COL28A1: variants seen among roughly 807,000 people sequenced by gnomAD.
COL28A1 encodes collagen type XXVIII alpha 1 chain, also known as collagen alpha-1(XXVIII) chain.
COL28A1 carries 161 observed loss-of-function variants against 150.2 expected under a neutral mutation model. The observed-to-expected ratio is 1.07, with a 90% confidence interval of 0.94 to 1.22. The LOEUF (loss-of-function observed/expected upper bound fraction) is 1.22, where lower values mean the gene tolerates loss of function less well. Ranked by LOEUF, COL28A1 falls within the 50% of genes most tolerant of loss-of-function variation. The probability of loss-of-function intolerance (pLI) is 0.00; values close to 1 mark genes in which losing one functional copy is unlikely to be tolerated. For missense variants in COL28A1, 1,617 were observed against 1,388.3 expected, an observed-to-expected ratio of 1.16 and a Z score of -2.62; for synonymous variants, 552 against 469.7, an observed-to-expected ratio of 1.18 and a Z score of -2.26.
intron 27 of COL28A1, chr7:7,417,539 AGGGGG>A: frequency 2.3e-5 from 1 of 43,588 alleles, no homozygotes; most frequent in Non-Finnish European, 3.6e-5. Flanking sequence ...GGAGGGAGGG[AGGGGG>A]GGGGGAGAGA....
chr7:7,533,836 G>C (rs1782501068), intron 1 of COL28A1, among the ~76,000 whole-genome samples: 1 of 152,138 alleles, frequency 6.6e-6, no homozygotes, highest in Admixed American at 6.5e-5. Flanking sequence ...AAGAGAATGG[G>C]AACGAGAAAG....
chr7:7,537,316 G>T (rs1024026671), upstream of COL28A1, among the ~76,000 whole-genome samples: 1 of 152,140 alleles, frequency 6.6e-6, no homozygotes, highest in African/African-American at 2.4e-5. Context: ...AAAGCTTTGG[G>T]ATGTGGGAGG....
rs1422797824 is a variant in COL28A1 at position 7,527,093 on chromosome 7, T to C, written c.682-2844A>G. On this transcript the variant is annotated intron_variant, in intron 3 of 34. Transcript: ENST00000399429. ...ATATGTGGCATAAGGCTTAAAACCATAGCAATGCAAAAAACTATTTTTGGA... is the reference window on the plus strand; with the variant it reads ...ATATGTGGCATAAGGCTTAAAACCACAGCAATGCAAAAAACTATTTTTGGA... Among the ~76,000 whole-genome samples the C allele has an allele frequency of 2.6e-5, 4 of 152,328 alleles. No homozygotes were observed. The East Asian group carries it at 5.8e-4, about 22-fold the overall frequency.
the COL28A1 span, among the ~76,000 whole-genome samples, chr7:7,341,240 C>T: frequency 6.6e-6 from 1 of 152,252 alleles, no homozygotes; most frequent in East Asian, 1.9e-4. Flanking sequence ...CTCAGCATCA[C>T]CAGAGATGTG....
chr7:7,362,963 C>A (rs543901555), intron 33 of COL28A1, among the ~76,000 whole-genome samples: 1 of 151,996 alleles, frequency 6.6e-6, no homozygotes, highest in African/African-American at 2.4e-5. Flanking sequence ...CTGAGCTCAG[C>A]ACCGAGTCCC....
At chr7:7,423,839 C>T (rs1329355773) in intron 25 of COL28A1, among the ~76,000 whole-genome samples, 2 of 152,148 alleles carry the variant, frequency 1.3e-5, no homozygotes, top group Non-Finnish European at 2.9e-5. Context: ...CTCCCTTATT[C>T]ACGTCCCCCT....
chr7:7,517,905 A>G, intron 6 of COL28A1, 68 bp from the exon 7 acceptor site: 1 of 1,594,532 alleles, frequency 6.3e-7, no homozygotes, highest in Non-Finnish European at 8.6e-7. Context: ...AATAAAATGC[A>G]TTATACAGAA....
In COL28A1 at chr7:7,370,706, A is replaced by G. The variant is rs568042060; in HGVS notation, c.3066+19T>C. On this transcript the variant is annotated intron_variant, in intron 33 of 34. Coordinates refer to ENST00000399429, the MANE Select transcript of COL28A1 (RefSeq NM_001037763.3). ...ATACACCATTTTAAGCTCACAAAGT[A>G]AGTGAGACAGTTACTTACTGACTCA... 19 of 1,593,526 alleles carry G rather than the reference A, an allele frequency of 1.2e-5. No homozygotes were observed. The African/African-American group carries it at 1.9e-4, about 16-fold the overall frequency.
intron 13 of COL28A1, among the ~76,000 whole-genome samples, chr7:7,481,920 A>G (rs1352688581): frequency 6.6e-6 from 1 of 152,130 alleles, no homozygotes; most frequent in Non-Finnish European, 1.5e-5. Flanking sequence ...AACCTTGCAT[A>G]AAAAACAAAC....
chr7:7,543,542 C>G, the COL28A1 span, among the ~76,000 whole-genome samples: 1 of 152,150 alleles, frequency 6.6e-6, no homozygotes, highest in Non-Finnish European at 1.5e-5. Context: ...AAAAGTCCTA[C>G]TATGTCAGAT....
chr7:7,394,630 T>C (rs757891674), intron 27 of COL28A1, among the ~76,000 whole-genome samples: 39 of 152,166 alleles, frequency 2.6e-4, no homozygotes, highest in African/African-American at 9.4e-4. Context: ...ACCAGCAGGA[T>C]TGTCCACTTG....
chr7:7,349,169 G>A, the COL28A1 span, among the ~76,000 whole-genome samples: 2 of 152,058 alleles, frequency 1.3e-5, no homozygotes, highest in East Asian at 3.8e-4. Context: ...ATATTTAAGA[G>A]TTTTCCAAAT....
At chr7:7,362,780 G>A (rs1439930600) in intron 33 of COL28A1, among the ~76,000 whole-genome samples, 1 of 152,140 alleles carries the variant, frequency 6.6e-6, no homozygotes, top group East Asian at 1.9e-4. Context: ...TGCAGATACA[G>A]CAATTTGAAT....
Position 7,531,671 on chromosome 7 carries a change from T to C in COL28A1, c.358A>G (p.Lys120Glu), listed in dbSNP as rs1001030465. 2 of 1,592,752 alleles carry C rather than the reference T, an allele frequency of 1.3e-6. No individual in the cohort carries two copies. The highest frequency in any genetic ancestry group is 2.7e-5 in the African/African-American group (2 of 74,444). ...SWKDLQTFKQKVKSMNLIGQG... is the reference protein window; with the variant it reads ...SWKDLQTFKQEVKSMNLIGQG... The stretch of plus-strand genomic sequence containing the variant: ...CCTATTAAATTCATAGACTTGACCT[T>C]CTGCTTAAATGTCTGCAGGTCCTTC... The change falls in exon 3 of 35, where the codon AAG (lysine) becomes GAG (glutamate). Residue 120 changes from lysine (K) to glutamate (E), a missense_variant. Coordinates refer to ENST00000399429, the MANE Select transcript of COL28A1 (RefSeq NM_001037763.3).
chr7:7,353,717 C>A (rs1393020723), downstream of COL28A1, among the ~76,000 whole-genome samples: 3 of 152,110 alleles, frequency 2.0e-5, no homozygotes, highest in Non-Finnish European at 4.4e-5. Context: ...GGGACAAACA[C>A]CCAAGTCAAC....
intron 13 of COL28A1, among the ~76,000 whole-genome samples, chr7:7,488,498 T>C (rs1369551908): frequency 6.6e-6 from 1 of 152,186 alleles, no homozygotes; most frequent in Non-Finnish European, 1.5e-5. Flanking sequence ...GCTACTATTT[T>C]TCCCTAGGAG....
At chr7:7,428,771 T>C (rs1562617790) in intron 25 of COL28A1, among the ~76,000 whole-genome samples, 2 of 152,222 alleles carry the variant, frequency 1.3e-5, no homozygotes, top group African/African-American at 4.8e-5. Flanking sequence ...GTTTCAAAGG[T>C]GAGTTTAAAA....
In COL28A1 at chr7:7,381,563, T is replaced by A. The variant is rs376179370; in HGVS notation, c.2186A>T (p.His729Leu). Residue 729 changes from histidine (H) to leucine (L), a missense_variant, in exon 28 of 35, where the codon CAT (histidine) becomes CTT (leucine). Transcript: ENST00000399429. ...ACTTACCTTCTGGCCTGGGAGGCCA[T>A]GGCCCATTGTGCCCTTTGGGCCTGG... Reference protein sequence around the residue: ...GFPGPKGTMGHGLPGQKGEHG... With the variant: ...GFPGPKGTMGLGLPGQKGEHG... The A allele has an allele frequency of 6.2e-7, 1 of 1,613,812 alleles. No homozygotes were observed. The highest frequency in any genetic ancestry group is 1.7e-5 in the Admixed American group (1 of 60,020).
At chr7:7,431,543 A>G (rs1281138982) in intron 25 of COL28A1, 2 of 471,074 alleles carry the variant, frequency 4.2e-6, no homozygotes, top group African/African-American at 2.0e-5. Flanking sequence ...AATGAGCTGA[A>G]GTAGGGCAGG....
Sources: allele counts gnomAD v4.1 joint callset (sites outside exome capture counted in the v4.1 genomes callset), GRCh38; gene constraint gnomAD v4.1.1; transcripts MANE v1.5; gene names NCBI Gene and HGNC (gene_info 2026-07-23, HGNC 2026-07-21).